ALG8: variants seen among roughly 807,000 people sequenced by gnomAD.
ALG8 encodes ALG8 alpha-1,3-glucosyltransferase.
A neutral mutation model predicts 70.2 loss-of-function variants in ALG8; 48 were observed. That is an observed-to-expected ratio of 0.68 (90% confidence interval 0.54 to 0.87). The LOEUF (loss-of-function observed/expected upper bound fraction) is 0.87. Among genes scored for constraint, ALG8 ranks in the 40% least tolerant of loss-of-function variants. The pLI is 0.00. For missense variants in ALG8, 572 were observed against 608.7 expected, an observed-to-expected ratio of 0.94 and a Z score of 0.64; for synonymous variants, 234 against 229.0, an observed-to-expected ratio of 1.02 and a Z score of -0.20.
chr11:78,128,612 C>CT (rs369506357), intron 1 of ALG8, among the ~76,000 whole-genome samples: 30,495 of 137,836 alleles, frequency 0.22, 4,498 homozygotes, highest in African/African-American at 0.4. Context: ...TCCCAAATTA[C>CT]TTTTTTTTTT....
At chr11:78,121,250 T>C (rs760798823) in intron 3 of ALG8, 76 bp from the exon 4 acceptor site, 1 of 1,007,414 alleles carries the variant, frequency 9.9e-7, no homozygotes, top group Non-Finnish European at 1.6e-6. Context: ...GAGTAAACTA[T>C]GATACATTAG....
intron 2 of ALG8, among the ~76,000 whole-genome samples, chr11:78,126,399 G>A (rs1202982840): frequency 1.3e-5 from 2 of 151,518 alleles, no homozygotes; most frequent in African/African-American, 4.9e-5. Context: ...GGGCATGGTG[G>A]CGGGCGCCTG....
intron 10 of ALG8, among the ~76,000 whole-genome samples, chr11:78,105,124 C>T (rs1859958261): frequency 6.6e-6 from 1 of 152,144 alleles, no homozygotes; most frequent in South Asian, 2.1e-4. Context: ...TGCCCTTCAC[C>T]TGCTGGTGTT....
At chr11:78,120,002 T>G (rs1860751593) in intron 4 of ALG8, among the ~76,000 whole-genome samples, 1 of 151,900 alleles carries the variant, frequency 6.6e-6, no homozygotes, top group East Asian at 1.9e-4. Context: ...CTCGGGAGGC[T>G]GAAGCATGAG....
intron 1 of ALG8, 102 bp downstream of exon 1, chr11:78,139,392 T>C: frequency 8.4e-7 from 1 of 1,193,362 alleles, no homozygotes; most frequent in South Asian, 1.3e-5. Context: ...AAACACGACC[T>C]AAAGTTTTCT....
intron 8 of ALG8, 74 bp downstream of exon 8, chr11:78,112,575 AG>A: frequency 8.1e-6 from 13 of 1,595,100 alleles, no homozygotes; most frequent in Non-Finnish European, 1.1e-5. Flanking sequence ...CAAAACACAA[AG>A]GTTTTTCCAT....
At chr11:78,113,232 T>C (rs181342919) in intron 7 of ALG8, among the ~76,000 whole-genome samples, 87 of 152,344 alleles carry the variant, frequency 5.7e-4, no homozygotes, top group African/African-American at 2.0e-3. Context: ...ATGTCTGCTG[T>C]CCATGTAAGA....
chr11:78,120,575 T>C (rs1239501866), intron 4 of ALG8, among the ~76,000 whole-genome samples: 1 of 152,200 alleles, frequency 6.6e-6, no homozygotes, highest in African/African-American at 2.4e-5. Context: ...CCAGGCTACC[T>C]TTATGAAAAC....
At chr11:78,128,767 C>G (rs970697907) in intron 1 of ALG8, among the ~76,000 whole-genome samples, 2 of 151,856 alleles carry the variant, frequency 1.3e-5, no homozygotes, top group Non-Finnish European at 1.5e-5. Flanking sequence ...CGCGGCACCA[C>G]GCCTGGCTAA....
intron 2 of ALG8, among the ~76,000 whole-genome samples, chr11:78,125,090 T>G (rs990779284): frequency 6.6e-6 from 1 of 151,890 alleles, no homozygotes; most frequent in Non-Finnish European, 1.5e-5. Flanking sequence ...TGGAGTGCAG[T>G]GGCGCGATCT....
Position 78,118,678 on chromosome 11 carries a change from T to C in ALG8, c.546+504A>G, listed in dbSNP as rs555291396. ...TGTAATTTAGGGCAGGCACAGGGGC[T>C]CATGCTTATAATTCCAGCACTTTGG... On this transcript the variant is annotated intron_variant, in intron 5 of 12. Transcript: ENST00000299626. Among the ~76,000 whole-genome samples, 5 of 149,020 alleles carry C rather than the reference T, an allele frequency of 3.4e-5. No individual in the cohort carries two copies. In the East Asian group the frequency reaches 9.8e-4, roughly 29 times the overall value.
intron 1 of ALG8, among the ~76,000 whole-genome samples, chr11:78,135,929 G>A: frequency 6.6e-6 from 1 of 151,960 alleles, no homozygotes; most frequent in Non-Finnish European, 1.5e-5. Flanking sequence ...AGCACTTTGG[G>A]AGGCCAAGAC....
intron 10 of ALG8, among the ~76,000 whole-genome samples, chr11:78,104,821 G>A (rs1040667966): frequency 3.9e-5 from 6 of 152,148 alleles, no homozygotes; most frequent in South Asian, 2.1e-4. Flanking sequence ...AAAATTAGCT[G>A]GGCATGGTGG....
chr11:78,128,806 G>C (rs1440674043), intron 1 of ALG8, among the ~76,000 whole-genome samples: 2 of 151,536 alleles, frequency 1.3e-5, no homozygotes, highest in Non-Finnish European at 2.9e-5. Context: ...AGTAGAGATG[G>C]GGTTTTACTG....
At chr11:78,104,776 C>T (rs1416614614) in intron 10 of ALG8, among the ~76,000 whole-genome samples, 1 of 152,052 alleles carries the variant, frequency 6.6e-6, no homozygotes, top group African/African-American at 2.4e-5. Flanking sequence ...GCAGCCTGGC[C>T]AACATGGTGA....
chr11:78,106,493 G>A lies in ALG8; in HGVS notation c.1178+314C>T, dbSNP rs746712586. Among the ~76,000 whole-genome samples, 5 of 152,280 alleles carry A rather than the reference G, an allele frequency of 3.3e-5. No individual in the cohort carries two copies. In the South Asian group the frequency reaches 6.2e-4, roughly 19 times the overall value. The stretch of plus-strand genomic sequence containing the variant: ...ATTACAGGCGTGAGCTACCGCGCCC[G>A]GCCAGCCCAGGTTTTTTCTATAACA... On this transcript the variant is annotated intron_variant, in intron 10 of 12. Transcript: ENST00000299626.
chr11:78,116,681 G>A (rs898919680), intron 5 of ALG8, among the ~76,000 whole-genome samples: 1 of 151,444 alleles, frequency 6.6e-6, no homozygotes, highest in Non-Finnish European at 1.5e-5. Flanking sequence ...CTCCACCACT[G>A]CATTCTCCAG....
intron 1 of ALG8, among the ~76,000 whole-genome samples, chr11:78,134,585 T>C (rs952945846): frequency 6.6e-6 from 1 of 152,258 alleles, no homozygotes; most frequent in African/African-American, 2.4e-5. Flanking sequence ...TCAATCCTTC[T>C]TCTCAAACCC....
chr11:78,105,705 CTT>C lies in ALG8; in HGVS notation c.1178+1100_1178+1101del, dbSNP rs201616826. ...AATAATACCCATTTATTTTAACTAT[CTT>C]TTTTTTTTTTCTTTTTTTGAGACAG... On this transcript the variant is annotated intron_variant, in intron 10 of 12. Coordinates refer to ENST00000299626, the MANE Select transcript of ALG8 (RefSeq NM_024079.5). Among the ~76,000 whole-genome samples, 274 of 132,480 alleles carry C rather than the reference CTT, an allele frequency of 2.1e-3. 2 individuals carry two copies. The highest frequency in any genetic ancestry group is 6.9e-3 in the African/African-American group (264 of 38,082). 86.9% of individuals were successfully genotyped at this position (132,480 alleles called of 152,430 possible).
Sources: gnomAD v4.1 joint callset for allele counts (sites outside exome capture counted in the v4.1 genomes callset) on GRCh38, gnomAD v4.1.1 for gene constraint, MANE v1.5 for transcripts, NCBI Gene and HGNC (gene_info 2026-07-23, HGNC 2026-07-21) for gene names.